Variants in TNS3 observed in about 807,000 individuals in gnomAD.
The protein encoded by TNS3 is tensin 3, also known as tensin-3.
Under a neutral mutation model 140.9 loss-of-function variants are expected in TNS3, and 45 were observed. The ratio of observed to expected loss-of-function variants is 0.32; its 90% CI spans 0.25 to 0.41. The LOEUF is 0.41. TNS3 is among the 10% of genes least tolerant of loss of function. The probability of loss-of-function intolerance (pLI) is 1.00; values close to 1 mark genes in which losing one functional copy is unlikely to be tolerated. For missense variants in TNS3, 1,716 were observed against 1,906.7 expected (o/e 0.90, Z 1.86); for synonymous variants, 815 against 788.4 (o/e 1.03, Z -0.56).
intron 1 of TNS3, among the ~76,000 whole-genome samples, chr7:47,556,718 A>G (rs964537753): frequency 1.3e-5 from 2 of 152,378 alleles, no homozygotes; most frequent in Non-Finnish European, 1.5e-5. Flanking sequence ...AAGCAGAGGC[A>G]TAACAGCTGA....
At chr7:47,507,864 G>T (rs1257648039) in intron 2 of TNS3, among the ~76,000 whole-genome samples, 2 of 152,204 alleles carry the variant, frequency 1.3e-5, no homozygotes, top group South Asian at 2.1e-4. Flanking sequence ...GCTGTGGGAG[G>T]AGGGAAAGAG....
chr7:47,482,302 T>TA (rs1212025182), intron 3 of TNS3, among the ~76,000 whole-genome samples: 1 of 152,204 alleles, frequency 6.6e-6, no homozygotes, highest in Non-Finnish European at 1.5e-5. Context: ...TTGCTTATCT[T>TA]ACGCAGTCCA....
chr7:47,403,370 T>G (rs1395233002), intron 13 of TNS3: 1 of 152,232 alleles, frequency 6.6e-6, no homozygotes, highest in Non-Finnish European at 1.5e-5. Flanking sequence ...CCCCATATGA[T>G]TCTCCTGTAA....
At chr7:47,469,982 A>AT (rs1796883269) in intron 4 of TNS3, among the ~76,000 whole-genome samples, 1 of 151,174 alleles carries the variant, frequency 6.6e-6, no homozygotes, top group Admixed American at 6.6e-5. Context: ...TCAAAAAAAA[A>AT]AAAAAAAAAA....
chr7:47,577,565 A>G (rs886506319), intron 1 of TNS3, among the ~76,000 whole-genome samples: 3 of 152,170 alleles, frequency 2.0e-5, no homozygotes, highest in Admixed American at 6.5e-5. Flanking sequence ...TTGCTGACGG[A>G]CCGGGATTCA....
chr7:47,416,648 G>A (rs1382260232), intron 10 of TNS3, among the ~76,000 whole-genome samples: 1 of 152,138 alleles, frequency 6.6e-6, no homozygotes, highest in African/African-American at 2.4e-5. Context: ...TGAGGCTGAT[G>A]ACCAGACTTC....
At chr7:47,579,781 G>A (rs1349300585) in intron 1 of TNS3, 1 of 947,792 alleles carries the variant, frequency 1.1e-6, no homozygotes, top group Admixed American at 6.2e-5. Flanking sequence ...TCCTTGTGTA[G>A]AGTCCTAAGC....
intron 3 of TNS3, among the ~76,000 whole-genome samples, chr7:47,495,399 C>G (rs1394330397): frequency 6.6e-6 from 1 of 152,114 alleles, no homozygotes; most frequent in Admixed American, 6.5e-5. Context: ...GAGAGGGCAG[C>G]GTCTGGGGCA....
intron 13 of TNS3, among the ~76,000 whole-genome samples, chr7:47,404,281 G>T (rs1481913986): frequency 6.6e-6 from 1 of 152,150 alleles, no homozygotes; most frequent in Non-Finnish European, 1.5e-5. Context: ...GAAAGTTGCA[G>T]CCTCTTTAGA....
At chr7:47,350,870 G>A (rs1415256338) in intron 17 of TNS3, among the ~76,000 whole-genome samples, 3 of 152,228 alleles carry the variant, frequency 2.0e-5, no homozygotes, top group Non-Finnish European at 2.9e-5. Context: ...GGAACTTGAA[G>A]TGGACAAACA....
In TNS3 at chr7:47,424,195, G is replaced by A. The variant is rs1280077925; in HGVS notation, c.390-11C>T. 5 of 1,613,548 alleles carry A rather than the reference G, an allele frequency of 3.1e-6. No homozygotes were observed. The highest frequency in any genetic ancestry group is 1.1e-5 in the South Asian group (1 of 91,034). Reference sequence around the variant, plus strand: ...AGGGCCTGGTCGGCGCTGAAGGGGAGAGAGAGAGAAAGAGAGTTAACTCAG... The same window carrying A: ...AGGGCCTGGTCGGCGCTGAAGGGGAAAGAGAGAGAAAGAGAGTTAACTCAG... On this transcript the variant is annotated splice_polypyrimidine_tract_variant and intron_variant, in intron 9 of 30. Coordinates refer to ENST00000311160, the MANE Select transcript of TNS3 (RefSeq NM_022748.12).
chr7:47,466,486 A>G (rs931218443), intron 4 of TNS3, among the ~76,000 whole-genome samples: 3 of 152,180 alleles, frequency 2.0e-5, no homozygotes, highest in Non-Finnish European at 2.9e-5. Flanking sequence ...ATGTATTTGA[A>G]AAAGACTGGG....
intron 2 of TNS3, among the ~76,000 whole-genome samples, chr7:47,523,240 CCACT>C (rs1562828301): frequency 6.6e-6 from 1 of 152,084 alleles, no homozygotes; most frequent in Non-Finnish European, 1.5e-5. Flanking sequence ...CCATGAGGCT[CCACT>C]CACAAAACAT....
chr7:47,338,227 TCA>T (rs1029238063), intron 20 of TNS3, among the ~76,000 whole-genome samples: 1 of 152,216 alleles, frequency 6.6e-6, no homozygotes, highest in African/African-American at 2.4e-5. Context: ...AATCACTGAG[TCA>T]CATGGCAGAT....
intron 8 of TNS3, among the ~76,000 whole-genome samples, chr7:47,431,879 A>C (rs1437734971): frequency 6.6e-6 from 1 of 152,212 alleles, no homozygotes; most frequent in Non-Finnish European, 1.5e-5. Context: ...GAAACATAAA[A>C]AACTATGAAC....
intron 20 of TNS3, among the ~76,000 whole-genome samples, chr7:47,319,114 A>C (rs1787581335): frequency 6.6e-6 from 1 of 152,224 alleles, no homozygotes; most frequent in Admixed American, 6.5e-5. Flanking sequence ...TTTGTCCTAC[A>C]ACCACTGTCT....
At chr7:47,337,617 T>C (rs986950260) in intron 20 of TNS3, among the ~76,000 whole-genome samples, 60 of 152,244 alleles carry the variant, frequency 3.9e-4, no homozygotes, top group African/African-American at 1.4e-3. Flanking sequence ...ATTTGGTCTG[T>C]TCCAGCCCAC....
chr7:47,391,005 C>G (rs1053723333), intron 16 of TNS3, among the ~76,000 whole-genome samples: 2 of 152,186 alleles, frequency 1.3e-5, no homozygotes, highest in African/African-American at 4.8e-5. Context: ...GCAAAGAAGC[C>G]AGGCTCAGGA....
At chr7:47,454,114 C>G (rs1014730864) in intron 4 of TNS3, among the ~76,000 whole-genome samples, 2 of 152,218 alleles carry the variant, frequency 1.3e-5, no homozygotes, top group African/African-American at 4.8e-5. Flanking sequence ...CAGCATAACC[C>G]TATCAGTGGG....
Sources: allele counts gnomAD v4.1 joint callset (sites outside exome capture counted in the v4.1 genomes callset), GRCh38; gene constraint gnomAD v4.1.1; transcripts MANE v1.5; gene names NCBI Gene and HGNC (gene_info 2026-07-23, HGNC 2026-07-21).